The following PHACTR4 variants were observed in gnomAD, a reference collection of about 807,000 sequenced individuals.
PHACTR4 encodes protein phosphatase 1, regulatory subunit 124.
A neutral mutation model predicts 72.7 loss-of-function variants in PHACTR4; 51 were observed. The ratio of observed to expected loss-of-function variants is 0.70; its 90% CI spans 0.56 to 0.89. The LOEUF is 0.89. Among genes scored for constraint, PHACTR4 ranks in the 40% least tolerant of loss-of-function variants. PHACTR4 has a pLI of 0.00. For missense variants in PHACTR4, 731 were observed against 861.8 expected, an observed-to-expected ratio of 0.85 and a Z score of 1.90; for synonymous variants, 255 against 302.5, an observed-to-expected ratio of 0.84 and a Z score of 1.63.
At chr1:28,400,198 C>T (rs1252023770) in intron 1 of PHACTR4, among the ~76,000 whole-genome samples, 1 of 151,946 alleles carries the variant, frequency 6.6e-6, no homozygotes, top group Admixed American at 6.6e-5. Flanking sequence ...CATGGTGAAA[C>T]CCCATCTCTT....
At chr1:28,428,099 G>C (rs1014157772) in intron 2 of PHACTR4, among the ~76,000 whole-genome samples, 2 of 152,202 alleles carry the variant, frequency 1.3e-5, no homozygotes, top group African/African-American at 4.8e-5. Context: ...TCATTGGTTG[G>C]AAGGGACTTG....
At chr1:28,466,867 A>T in intron 6 of PHACTR4, 99 bp downstream of exon 6, 4 of 1,467,048 alleles carry the variant, frequency 2.7e-6, no homozygotes, top group Non-Finnish European at 3.7e-6. Context: ...GTCTGTGAGA[A>T]TTTTCCATAT....
intron 3 of PHACTR4, among the ~76,000 whole-genome samples, chr1:28,459,887 A>C (rs1422939227): frequency 6.6e-6 from 1 of 152,148 alleles, no homozygotes; most frequent in African/African-American, 2.4e-5. Context: ...AAATGACTGA[A>C]TGAGTTGATA....
chr1:28,400,386 A>AG (rs995808067), intron 1 of PHACTR4, among the ~76,000 whole-genome samples: 10 of 151,844 alleles, frequency 6.6e-5, no homozygotes, highest in Admixed American at 5.9e-4. Flanking sequence ...TAAAAAAAAA[A>AG]AAAAAAAGAG....
chr1:28,464,374 C>T (rs183316457), intron 4 of PHACTR4, among the ~76,000 whole-genome samples: 167 of 152,314 alleles, frequency 1.1e-3, no homozygotes, highest in Admixed American at 2.5e-3. Context: ...TGTCCTTCTT[C>T]CAAACAGACT....
chr1:28,442,248 C>T (rs1343870558), intron 2 of PHACTR4, among the ~76,000 whole-genome samples: 8 of 151,886 alleles, frequency 5.3e-5, no homozygotes, highest in Non-Finnish European at 8.8e-5. Context: ...GGGTGAATCA[C>T]GAGGTCAGGA....
At position 28,498,774 on chromosome 1, in the gene PHACTR4, C is replaced by G. The variant is rs1047314823; in HGVS notation, c.*2225C>G. On this transcript the variant is annotated 3_prime_UTR_variant, in exon 14 of 14. Transcript: ENST00000373839. ...TTCTTATGTGGACTTGCTGAAGAAA[C>G]AGAATATCAGTTCAAAACAAAACCT... is the stretch of plus-strand genomic sequence containing the variant. 2 of 151,988 alleles carry G rather than the reference C, an allele frequency of 1.3e-5. No homozygotes were observed. Among genetic ancestry groups the G allele is most frequent in the African/African-American group, 4.8e-5 (2 of 41,386 alleles). The allele number at this position is 151,988 out of a possible 1,614,324, so 9.4% of individuals were successfully genotyped here. A position where few individuals can be genotyped will look rare whatever the true frequency, so the allele number is the denominator to read the frequency against.
At chr1:28,405,716 CT>C (rs1654274759) in intron 1 of PHACTR4, among the ~76,000 whole-genome samples, 1 of 151,564 alleles carries the variant, frequency 6.6e-6, no homozygotes, top group Non-Finnish European at 1.5e-5. Context: ...CATGGTGAAA[CT>C]CTGTCTCTAC....
chr1:28,443,240 G>T (rs1433002514), intron 2 of PHACTR4, among the ~76,000 whole-genome samples: 1 of 122,966 alleles, frequency 8.1e-6, no homozygotes, highest in East Asian at 2.0e-4. Context: ...CATCCATGTT[G>T]CTGAGAATGA....
intron 2 of PHACTR4, among the ~76,000 whole-genome samples, chr1:28,426,795 A>G (rs1314631528): frequency 6.6e-6 from 1 of 150,390 alleles, no homozygotes; most frequent in East Asian, 2.0e-4. Flanking sequence ...CAATCCTCCC[A>G]CCTTGGCCTC....
At position 28,453,335 on chromosome 1, in the gene PHACTR4, C is replaced by T. The variant is rs1288023498; in HGVS notation, c.17-5750C>T. The stretch of plus-strand genomic sequence containing the variant: ...GAATAACACCACGGGACCTACAACA[C>T]GTGCCACTAATGATACTGGAATTGC... On this transcript the variant is annotated intron_variant, in intron 2 of 13. Transcript: ENST00000373839. Among the ~76,000 whole-genome samples the T allele has an allele frequency of 3.3e-5, 5 of 151,972 alleles. No homozygotes were observed. In the South Asian group the frequency reaches 1.0e-3, roughly 32 times the overall value.
At chr1:28,374,642 A>C (rs1294448848) in intron 1 of PHACTR4, among the ~76,000 whole-genome samples, 1 of 152,040 alleles carries the variant, frequency 6.6e-6, no homozygotes, top group Non-Finnish European at 1.5e-5. Flanking sequence ...CTTCATTTCC[A>C]AAACCATCTG....
At chr1:28,378,048 T>C (rs1467926358) in intron 1 of PHACTR4, among the ~76,000 whole-genome samples, 4 of 141,234 alleles carry the variant, frequency 2.8e-5, no homozygotes, top group Admixed American at 7.2e-5. Flanking sequence ...GTACAAAAAA[T>C]TATCCGGGCA....
intron 6 of PHACTR4, among the ~76,000 whole-genome samples, chr1:28,468,285 CAT>C (rs1659338115): frequency 6.6e-6 from 1 of 152,112 alleles, no homozygotes; most frequent in Non-Finnish European, 1.5e-5. Context: ...AACATGAAGA[CAT>C]TGTGACTCAT....
intron 9 of PHACTR4, among the ~76,000 whole-genome samples, chr1:28,488,204 C>T (rs966677338): frequency 6.6e-6 from 1 of 152,004 alleles, no homozygotes; most frequent in African/African-American, 2.4e-5. Flanking sequence ...ATTTAAAAAC[C>T]TAGCTGGGCA....
chr1:28,450,786 ATTG>A (rs1657888711), intron 2 of PHACTR4, among the ~76,000 whole-genome samples: 2 of 149,624 alleles, frequency 1.3e-5, no homozygotes, highest in South Asian at 2.1e-4. Context: ...CGCCCAGCCA[ATTG>A]TTGTGTGTGT....
intron 2 of PHACTR4, among the ~76,000 whole-genome samples, chr1:28,440,133 C>T (rs1656900885): frequency 6.6e-6 from 1 of 151,736 alleles, no homozygotes; most frequent in Non-Finnish European, 1.5e-5. Flanking sequence ...AACCCCGTCT[C>T]TACTAAAAAT....
intron 4 of PHACTR4, among the ~76,000 whole-genome samples, chr1:28,461,114 A>G (rs1318640968): frequency 6.6e-6 from 1 of 152,030 alleles, no homozygotes; most frequent in Non-Finnish European, 1.5e-5. Flanking sequence ...TCTTCATCTG[A>G]GTTATGTTGC....
chr1:28,398,645 C>G (rs577318026), intron 1 of PHACTR4, among the ~76,000 whole-genome samples: 32 of 152,018 alleles, frequency 2.1e-4, no homozygotes, highest in South Asian at 4.1e-4. Flanking sequence ...ATGGTGAAAC[C>G]CTGTCTCTAC....
Sources: gnomAD v4.1 joint callset for allele counts (sites outside exome capture counted in the v4.1 genomes callset) on GRCh38, gnomAD v4.1.1 for gene constraint, MANE v1.5 for transcripts, NCBI Gene and HGNC (gene_info 2026-07-23, HGNC 2026-07-21) for gene names.